Variants in LRRC70 observed in about 807,000 individuals in gnomAD.
The protein encoded by LRRC70 is leucine rich repeat containing 70.
LRRC70 carries 31 observed loss-of-function variants against 42.4 expected under a neutral mutation model. The ratio of observed to expected loss-of-function variants is 0.73; its 90% CI spans 0.55 to 0.99. The LOEUF (loss-of-function observed/expected upper bound fraction) is 0.99, where lower values mean the gene tolerates loss of function less well. Ranked by LOEUF, LRRC70 falls within the 50% of genes least tolerant of loss-of-function variation. The pLI, the probability that LRRC70 is intolerant of heterozygous loss-of-function variation, is 0.00. For missense variants in LRRC70, 643 were observed against 707.5 expected (o/e 0.91, Z 1.03); for synonymous variants, 270 against 262.9 (o/e 1.03, Z -0.26).
Position 62,580,696 on chromosome 5 carries a change from TCTC to T in LRRC70, c.1262_1264del (p.Pro421del), listed in dbSNP as rs1299482492. ...ATCCAGAGCTTGGGCTGTTGTAAAA[TCTC>T]CTCATATTCATCACAAGACTACTGC... On this transcript the variant is annotated inframe_deletion, in exon 2 of 2. Coordinates refer to ENST00000334994, the MANE Select transcript of LRRC70 (RefSeq NM_181506.5). 2.6e-6 allele frequency: 4 copies of T among 1,551,316 alleles called. No individual in the cohort carries two copies. In the African/African-American group the frequency reaches 4.1e-5, roughly 16 times the overall value.
At chr5:62,579,329 G>A (rs1744449564) in intron 1 of LRRC70, 72 bp from the exon 2 acceptor site, 4 of 947,494 alleles carry the variant, frequency 4.2e-6, no homozygotes, top group Non-Finnish European at 6.6e-6. Flanking sequence ...GAATACAGAA[G>A]TTATAGTATT....
At position 62,581,127 on chromosome 5, in the gene LRRC70, G is replaced by A. The variant is rs942745188; in HGVS notation, c.1689G>A (p.Arg563=). The A allele has an allele frequency of 1.9e-6, 3 of 1,549,868 alleles. No individual in the cohort carries two copies. Among genetic ancestry groups the A allele is most frequent in the Non-Finnish European group, 2.6e-6 (3 of 1,146,456 alleles). ...KQKLKASENS[R]ENRLEYYSFY... ...AACTAAAGGCATCAGAAAACTCAAG[G>A]GAAAATAGACTTGAATACTACAGCT... Residue 563 remains arginine (R), a synonymous_variant, in exon 2 of 2, where the codon AGG becomes AGA. Transcript: ENST00000334994.
Position 62,579,554 on chromosome 5 carries a change from G to T in LRRC70, c.116G>T (p.Cys39Phe). The change falls in exon 2 of 2, where the codon TGC becomes TTC. Residue 39 changes from cysteine (C) to phenylalanine (F), a missense_variant. By Grantham distance (205) the Cys-to-Phe change is radical (BLOSUM62 -2). Transcript: ENST00000334994. The stretch of plus-strand genomic sequence containing the variant: ...GGATGTTCGTCTGTTTGTCAGCTCT[G>T]CACTGGGAGACAAATTAACTGCCGT... The part of the protein sequence containing the change: ...ILGCSSVCQL[C>F]TGRQINCRNL... 1 of 1,551,088 alleles carries T rather than the reference G, an allele frequency of 6.4e-7. No individual in the cohort carries two copies. The highest frequency in any genetic ancestry group is 8.7e-7 in the Non-Finnish European group (1 of 1,146,608).
In LRRC70 at chr5:62,579,660, T is replaced by C. The variant is rs751941120; in HGVS notation, c.222T>C (p.Tyr74=). ...FLYLTGNNIS[Y]INESELTGLH... ...ATCTGACTGGGAATAATATATCTTATATAAATGAAAGTGAATTAACAGGAC... is the reference window on the plus strand; with the variant it reads ...ATCTGACTGGGAATAATATATCTTACATAAATGAAAGTGAATTAACAGGAC... The change falls in exon 2 of 2, where the codon TAT becomes TAC. Residue 74 remains tyrosine, a synonymous_variant. Transcript: ENST00000334994. The C allele has an allele frequency of 3.0e-5, 47 of 1,546,670 alleles. No homozygotes were observed. The highest frequency in any genetic ancestry group is 3.8e-5 in the Non-Finnish European group (44 of 1,144,618).
chr5:62,579,419 G>GA lies in LRRC70; in HGVS notation c.-16dup. On this transcript the variant is annotated 5_prime_UTR_variant, in exon 2 of 2. Transcript: ENST00000334994. ...TTTATAGCCAATTCTGATCTGAACAGAAAATCCAAGAACAGGGATATGTGT... is the reference window on the plus strand; with the variant it reads ...TTTATAGCCAATTCTGATCTGAACAGAAAAATCCAAGAACAGGGATATGTGT... 5 of 1,550,238 alleles carry GA rather than the reference G, an allele frequency of 3.2e-6. No homozygotes were observed. In the South Asian group the frequency reaches 4.8e-5, roughly 15 times the overall value.
In LRRC70 at chr5:62,581,125, A is replaced by G; in HGVS notation, c.1687A>G (p.Arg563Gly). ...AAAACTAAAGGCATCAGAAAACTCA[A>G]GGGAAAATAGACTTGAATACTACAG... Reference protein sequence around the residue: ...KQKLKASENSRENRLEYYSFY... With the variant: ...KQKLKASENSGENRLEYYSFY... The change falls in exon 2 of 2, where the codon AGG becomes GGG. Residue 563 changes from arginine (R) to glycine (G), a missense_variant. Transcript: ENST00000334994. 1 of 1,549,960 alleles carries G rather than the reference A, an allele frequency of 6.5e-7. No individual in the cohort carries two copies. Among genetic ancestry groups the G allele is most frequent in the Non-Finnish European group, 8.7e-7 (1 of 1,146,474 alleles).
rs1354847487 is a variant in LRRC70 at position 62,580,798 on chromosome 5, T to G, written c.1360T>G (p.Phe454Val). ...LENTETENIT[F>V]WERIPTSPAG... ...AAATACTGAGACTGAGAACATTACT[T>G]TCTGGGAACGAATTCCTACTTCACC... Residue 454 changes from phenylalanine (F) to valine (V), a missense_variant, in exon 2 of 2, where the codon TTC becomes GTC. Phe to Val is a conservative substitution (Grantham distance 50). Coordinates refer to ENST00000334994, the MANE Select transcript of LRRC70 (RefSeq NM_181506.5). 2.6e-6 allele frequency: 4 copies of G among 1,551,294 alleles called. No individual in the cohort carries two copies. The highest frequency in any genetic ancestry group is 3.5e-6 in the Non-Finnish European group (4 of 1,146,874).
chr5:62,581,065 A>AT lies in LRRC70; in HGVS notation c.1634dup (p.Leu545PhefsTer9), dbSNP rs754228010. The AT allele has an allele frequency of 2.6e-5, 40 of 1,549,630 alleles. No individual in the cohort carries two copies. The highest frequency in any genetic ancestry group is 3.4e-4 in the Middle Eastern group (2 of 5,970). On this transcript the variant is annotated frameshift_variant, in exon 2 of 2. Transcript: ENST00000334994. LOFTEE classifies it high-confidence loss of function. ...TTTCATCTTAGCTTGTGTTTTAATC[A>AT]TTTTTTTGATCTACAAAGTTGTTCA...
In LRRC70 at chr5:62,581,436, G is replaced by T; in HGVS notation, c.*129G>T. The T allele has an allele frequency of 2.6e-6, 2 of 770,722 alleles. No individual in the cohort carries two copies. The highest frequency in any genetic ancestry group is 2.5e-5 in the South Asian group (1 of 40,474). The allele number at this position is 770,722 out of a possible 1,614,324, so 47.7% of individuals were successfully genotyped here. A position where few individuals can be genotyped will look rare whatever the true frequency, so the allele number is the denominator to read the frequency against. On this transcript the variant is annotated 3_prime_UTR_variant, in exon 2 of 2. Transcript: ENST00000334994. ...TATGAGGTTAGCATTATTAAAATAT[G>T]TTTTTAATAATTTGTGAACAGTGTA... is the stretch of plus-strand genomic sequence containing the variant.
At position 62,579,687 on chromosome 5, in the gene LRRC70, T is replaced by G; in HGVS notation, c.249T>G (p.Leu83=). 1 of 1,548,126 alleles carries G rather than the reference T, an allele frequency of 6.5e-7. No homozygotes were observed. The highest frequency in any genetic ancestry group is 8.7e-7 in the Non-Finnish European group (1 of 1,145,410). ...TAAATGAAAGTGAATTAACAGGACT[T>G]CATTCTCTTGTAGCATTGTATTTGG... The part of the protein sequence containing the change: ...SYINESELTG[L]HSLVALYLDN... The change falls in exon 2 of 2, where the codon CTT becomes CTG. Residue 83 remains leucine (L), a synonymous_variant. Transcript: ENST00000334994.
Position 62,580,881 on chromosome 5 carries a change from G to A in LRRC70, c.1443G>A (p.Val481=). Residue 481 remains valine (V), a synonymous_variant, in exon 2 of 2, where the codon GTG becomes GTA. Coordinates refer to ENST00000334994, the MANE Select transcript of LRRC70 (RefSeq NM_181506.5). The part of the protein sequence containing the change: ...AFGNPLETTA[V]LPVQIQLTTS... Reference sequence around the variant, plus strand: ...GTAATCCATTAGAGACTACAGCAGTGTTACCTGTGCAAATACAACTTACTA... The same window carrying A: ...GTAATCCATTAGAGACTACAGCAGTATTACCTGTGCAAATACAACTTACTA... The A allele has an allele frequency of 3.2e-6, 5 of 1,551,328 alleles. No homozygotes were observed. The South Asian group carries it at 5.9e-5, about 18-fold the overall frequency.
chr5:62,579,221 C>G (rs943923994), intron 1 of LRRC70, among the ~76,000 whole-genome samples, 180 bp from the exon 2 acceptor site: 1 of 152,022 alleles, frequency 6.6e-6, no homozygotes, highest in African/African-American at 2.4e-5. Flanking sequence ...ATGGCCTGAT[C>G]ATGTTAATAA....
chr5:62,580,891 C>G lies in LRRC70; in HGVS notation c.1453C>G (p.Gln485Glu). The G allele has an allele frequency of 1.9e-6, 3 of 1,551,332 alleles. No individual in the cohort carries two copies. Among genetic ancestry groups the G allele is most frequent in the Non-Finnish European group, 2.6e-6 (3 of 1,146,832 alleles). Residue 485 changes from glutamine (Q) to glutamate (E), a missense_variant, in exon 2 of 2, where the codon CAA (glutamine) becomes GAA (glutamate). Coordinates refer to ENST00000334994, the MANE Select transcript of LRRC70 (RefSeq NM_181506.5). ...AGAGACTACAGCAGTGTTACCTGTG[C>G]AAATACAACTTACTACTTCTGTTAC... ...PLETTAVLPV[Q>E]IQLTTSVTLN...
chr5:62,580,349 A>T lies in LRRC70; in HGVS notation c.911A>T (p.Tyr304Phe). 1 of 1,543,388 alleles carries T rather than the reference A, an allele frequency of 6.5e-7. No individual in the cohort carries two copies. Among genetic ancestry groups the T allele is most frequent in the Non-Finnish European group, 8.8e-7 (1 of 1,139,570 alleles). Residue 304 changes from tyrosine (Y) to phenylalanine (F), a missense_variant, in exon 2 of 2, where the codon TAC becomes TTC. Transcript: ENST00000334994. ...DTFSLLKNLI[Y>F]LKLDRNRIIS... is the part of the protein sequence containing the mutation. ...TTCAGTTTGTTAAAGAATTTAATTT[A>T]CCTTAAGTTAGATAGAAACAGAATA... is the stretch of plus-strand genomic sequence containing the variant.
rs1381559441 is a variant in LRRC70, at chr5:62,580,754, C to T, written c.1316C>T (p.Thr439Ile). The stretch of plus-strand genomic sequence containing the variant: ...ATGATGGCCTGGCATAAAGTAACCA[C>T]AAATGGCAGTCCTCTGGAAAATACT... ...ALMMAWHKVT[T>I]NGSPLENTET... The change falls in exon 2 of 2, where the codon ACA becomes ATA. Residue 439 changes from threonine to isoleucine, a missense_variant. By Grantham distance (89) the Thr-to-Ile change is moderately conservative (BLOSUM62 -1). Transcript: ENST00000334994. 8 of 1,551,446 alleles carry T rather than the reference C, an allele frequency of 5.2e-6. No individual in the cohort carries two copies.
At chr5:62,579,099 A>G (rs971618706) in intron 1 of LRRC70, among the ~76,000 whole-genome samples, 164 bp downstream of exon 1, 3 of 152,124 alleles carry the variant, frequency 2.0e-5, no homozygotes, top group African/African-American at 7.2e-5. Context: ...TATTAAATTC[A>G]AAGATTCTCA....
Position 62,580,088 on chromosome 5 carries a change from C to T in LRRC70, c.650C>T (p.Thr217Ile), listed in dbSNP as rs752175755. Residue 217 changes from threonine (T) to isoleucine (I), a missense_variant, in exon 2 of 2, where the codon ACA becomes ATA. Transcript: ENST00000334994. ...ACLYLGSNNLTKVPSNAFEVL... is the reference protein window; with the variant it reads ...ACLYLGSNNLIKVPSNAFEVL... ...TTGTATTTAGGAAGTAATAATTTAA[C>T]AAAAGTACCATCAAATGCCTTTGAA... 6.4e-7 allele frequency: 1 copy of T among 1,551,014 alleles called. No homozygotes were observed. The highest frequency in any genetic ancestry group is 8.7e-7 in the Non-Finnish European group (1 of 1,146,618).
Position 62,581,280 on chromosome 5 carries a change from C to T in LRRC70, c.1842C>T (p.Val614=). 1 of 1,528,058 alleles carries T rather than the reference C, an allele frequency of 6.5e-7. No individual in the cohort carries two copies. The allele number at this position is 1,528,058 out of a possible 1,614,324, so 94.7% of individuals were successfully genotyped here. A position where few individuals can be genotyped will look rare whatever the true frequency, so the allele number is the denominator to read the frequency against. Residue 614 remains valine, a synonymous_variant, in exon 2 of 2, where the codon GTC becomes GTT. Transcript: ENST00000334994. ...TTGTTCCTGAAAATGAGGCACAGGTCATTCTTTTTGAACATTCTGCTTTAT... is the reference window on the plus strand; with the variant it reads ...TTGTTCCTGAAAATGAGGCACAGGTTATTCTTTTTGAACATTCTGCTTTAT... The part of the protein sequence containing the change: ...KQIVPENEAQ[V]ILFEHSAL
chr5:62,580,639 AT>A lies in LRRC70; in HGVS notation c.1203del (p.Thr402GlnfsTer8). 2 of 1,551,502 alleles carry A rather than the reference AT, an allele frequency of 1.3e-6. No homozygotes were observed. The highest frequency in any genetic ancestry group is 1.7e-6 in the Non-Finnish European group (2 of 1,146,828). Reference protein sequence around the residue: ...MRGRALRYINITNCVTSSINV... With the variant: ...MRGRALRYINXTNCVTSSINV... ...TGGCAGAGCATTACGTTATATTAAC[AT>A]TACAAATTGTGTTACATCTTCAATA... On this transcript the variant is annotated frameshift_variant, in exon 2 of 2. Transcript: ENST00000334994. LOFTEE classifies it high-confidence loss of function.
Sources: gnomAD v4.1 joint callset for allele counts (sites outside exome capture counted in the v4.1 genomes callset) on GRCh38, gnomAD v4.1.1 for gene constraint, MANE v1.5 for transcripts, NCBI Gene and HGNC (gene_info 2026-07-23, HGNC 2026-07-21) for gene names.